Variants in ZCWPW2 observed in about 807,000 individuals in gnomAD.
The protein encoded by ZCWPW2 is zinc finger CW-type PWWP domain protein 2.
ZCWPW2 carries 45 observed loss-of-function variants against 46.6 expected under a neutral mutation model. The ratio of observed to expected loss-of-function variants is 0.96; its 90% CI spans 0.76 to 1.24. The LOEUF is 1.24. ZCWPW2 is among the 50% of genes most tolerant of loss of function. The pLI is 0.00. For missense variants in ZCWPW2, 429 were observed against 403.9 expected (o/e 1.06, Z -0.53); for synonymous variants, 152 against 137.1 (o/e 1.11, Z -0.76).
At chr3:28,465,935 A>G (rs572420831) in intron 4 of ZCWPW2, among the ~76,000 whole-genome samples, 29 of 152,326 alleles carry the variant, frequency 1.9e-4, no homozygotes, top group Middle Eastern at 3.4e-3. Flanking sequence ...CTAGATGCCC[A>G]TCATTGGTAG....
intron 2 of ZCWPW2, among the ~76,000 whole-genome samples, chr3:28,408,312 A>G (rs928971095): frequency 1.3e-5 from 2 of 152,188 alleles, no homozygotes; most frequent in African/African-American, 4.8e-5. Context: ...GATGCCACAA[A>G]CTTTCCCCTT....
At chr3:28,352,548 C>T (rs1553627232) in intron 1 of ZCWPW2, among the ~76,000 whole-genome samples, 1 of 152,122 alleles carries the variant, frequency 6.6e-6, no homozygotes, top group Non-Finnish European at 1.5e-5. Flanking sequence ...GTAGTTAACT[C>T]TTTGGCAAAA....
chr3:28,443,632 A>G (rs1697860835), intron 4 of ZCWPW2, among the ~76,000 whole-genome samples: 1 of 152,198 alleles, frequency 6.6e-6, no homozygotes, highest in South Asian at 2.1e-4. Context: ...CCATTACAGT[A>G]GCTATGCCCA....
chr3:28,443,245 A>C (rs1697841238), intron 4 of ZCWPW2, among the ~76,000 whole-genome samples: 1 of 152,058 alleles, frequency 6.6e-6, no homozygotes, highest in Admixed American at 6.6e-5. Context: ...ATTTCTGATC[A>C]TTTCCAGTGC....
At chr3:28,375,450 G>T (rs1388473032) in intron 1 of ZCWPW2, among the ~76,000 whole-genome samples, 1 of 151,732 alleles carries the variant, frequency 6.6e-6, no homozygotes. Flanking sequence ...GTCTTTCTTT[G>T]GGGTTAAGTG....
At chr3:28,445,370 C>T (rs989586702) in intron 4 of ZCWPW2, among the ~76,000 whole-genome samples, 10 of 151,880 alleles carry the variant, frequency 6.6e-5, no homozygotes, top group African/African-American at 1.7e-4. Context: ...TATTTTTGGG[C>T]AAACAACATA....
chr3:28,352,712 T>C (rs1443988326), intron 1 of ZCWPW2, among the ~76,000 whole-genome samples: 2 of 152,174 alleles, frequency 1.3e-5, no homozygotes, highest in African/African-American at 4.8e-5. Flanking sequence ...TAACCAGAAA[T>C]CGTTACACTT....
chr3:28,424,598 A>G (rs1331673253), intron 3 of ZCWPW2, among the ~76,000 whole-genome samples: 1 of 152,158 alleles, frequency 6.6e-6, no homozygotes, highest in Admixed American at 6.5e-5. Context: ...CAAACATGTC[A>G]ATGTATTGAT....
At chr3:28,431,207 A>G (rs1408836127) in intron 3 of ZCWPW2, among the ~76,000 whole-genome samples, 1 of 152,048 alleles carries the variant, frequency 6.6e-6, no homozygotes, top group Admixed American at 6.5e-5. Flanking sequence ...AGTTACCTTA[A>G]TGAAGCAAAT....
intron 6 of ZCWPW2, among the ~76,000 whole-genome samples, chr3:28,502,255 C>T (rs1203797015): frequency 6.6e-6 from 1 of 152,046 alleles, no homozygotes; most frequent in African/African-American, 2.4e-5. Flanking sequence ...TAAAATATTA[C>T]AATTAGAGAA....
In ZCWPW2 at chr3:28,364,159, A is replaced by G. The variant is rs1705037724; in HGVS notation, c.-134+14956A>G. ...AGAGCAAAAATGTGGAATGACAGAAACTTTTATATATTCTTCATGGGAGTA... is the reference window on the plus strand; with the variant it reads ...AGAGCAAAAATGTGGAATGACAGAAGCTTTTATATATTCTTCATGGGAGTA... On this transcript the variant is annotated intron_variant, in intron 1 of 9. Coordinates refer to ENST00000383768, the MANE Select transcript of ZCWPW2 (RefSeq NM_001040432.4). Among the ~76,000 whole-genome samples, 2 of 152,196 alleles carry G rather than the reference A, an allele frequency of 1.3e-5. 1 individual carries two copies. The highest frequency in any genetic ancestry group is 4.1e-4 in the South Asian group (2 of 4,826).
At chr3:28,464,363 C>T (rs140868235) in intron 4 of ZCWPW2, among the ~76,000 whole-genome samples, 2 of 152,010 alleles carry the variant, frequency 1.3e-5, no homozygotes, top group Non-Finnish European at 2.9e-5. Flanking sequence ...TTCCTGCCTT[C>T]ATGCAACCTA....
chr3:28,488,635 T>C (rs1426473547), intron 5 of ZCWPW2, among the ~76,000 whole-genome samples: 2 of 152,182 alleles, frequency 1.3e-5, no homozygotes, highest in African/African-American at 4.8e-5. Flanking sequence ...CTGTTCTGGG[T>C]CATGAGTCAA....
At chr3:28,456,771 A>G (rs1698438556) in intron 4 of ZCWPW2, among the ~76,000 whole-genome samples, 1 of 152,150 alleles carries the variant, frequency 6.6e-6, no homozygotes, top group Non-Finnish European at 1.5e-5. Flanking sequence ...GATTCATCAC[A>G]TTTATTGATT....
At chr3:28,467,043 G>T (rs936998154) in intron 4 of ZCWPW2, among the ~76,000 whole-genome samples, 1 of 152,028 alleles carries the variant, frequency 6.6e-6, no homozygotes, top group Non-Finnish European at 1.5e-5. Context: ...ACTAGTTAAG[G>T]CAATATGGTA....
chr3:28,381,008 A>C (rs1477557434), intron 1 of ZCWPW2, among the ~76,000 whole-genome samples: 1 of 39,440 alleles, frequency 2.5e-5, no homozygotes, highest in Non-Finnish European at 4.8e-5. Flanking sequence ...TGGTATATAT[A>C]TATATATATA....
intron 6 of ZCWPW2, among the ~76,000 whole-genome samples, chr3:28,494,888 T>C (rs1387888380): frequency 4.1e-5 from 6 of 144,642 alleles, no homozygotes; most frequent in Non-Finnish European, 3.0e-5. Flanking sequence ...GAAGGACCTC[T>C]TCAAGGAGAA....
At chr3:28,460,183 C>G (rs1453683133) in intron 4 of ZCWPW2, among the ~76,000 whole-genome samples, 2 of 151,330 alleles carry the variant, frequency 1.3e-5, no homozygotes, top group Non-Finnish European at 2.9e-5. Flanking sequence ...AATTTCTTCT[C>G]TAGTGCCCAT....
At position 28,414,159 on chromosome 3, in the gene ZCWPW2, T is replaced by A. The variant is rs893434003; in HGVS notation, c.332+759T>A. Among the ~76,000 whole-genome samples, 6 of 152,110 alleles carry A rather than the reference T, an allele frequency of 3.9e-5. No homozygotes were observed. In the East Asian group the frequency reaches 1.2e-3, roughly 29 times the overall value. ...ATTACTTATGGTGGCTATTTGTCTA[T>A]CGTTTGTATTACCTTTTCTTGAACT... On this transcript the variant is annotated intron_variant, in intron 3 of 9. Transcript: ENST00000383768.
Sources: allele counts gnomAD v4.1 joint callset (sites outside exome capture counted in the v4.1 genomes callset), GRCh38; gene constraint gnomAD v4.1.1; transcripts MANE v1.5; gene names NCBI Gene and HGNC (gene_info 2026-07-23, HGNC 2026-07-21).